Variants in PDZD8 observed in about 807,000 individuals in gnomAD.
The protein encoded by PDZD8 is PDZ domain-containing protein 8.
Under a neutral mutation model 85.8 loss-of-function variants are expected in PDZD8, and 14 were observed. The observed-to-expected ratio is 0.16, with a 90% CI of 0.11 to 0.26. The LOEUF is 0.26. PDZD8 is among the 10% of genes least tolerant of loss of function. The pLI is 1.00. For missense variants in PDZD8, 1,197 were observed against 1,424.3 expected, an observed-to-expected ratio of 0.84 and a Z score of 2.57; for synonymous variants, 592 against 568.6, an observed-to-expected ratio of 1.04 and a Z score of -0.59.
chr10:117,339,613 T>C (rs1844575933), intron 2 of PDZD8, among the ~76,000 whole-genome samples: 3 of 152,220 alleles, frequency 2.0e-5, no homozygotes, highest in Admixed American at 6.5e-5. Context: ...TTATAACATA[T>C]GAAAATTACA....
chr10:117,373,889 A>G (rs1367775148), intron 1 of PDZD8, among the ~76,000 whole-genome samples: 1 of 152,240 alleles, frequency 6.6e-6, no homozygotes, highest in Non-Finnish European at 1.5e-5. Context: ...ATGTCAAATT[A>G]GCACAGACCT....
chr10:117,348,495 G>C (rs544540596), intron 1 of PDZD8, among the ~76,000 whole-genome samples: 5 of 152,156 alleles, frequency 3.3e-5, no homozygotes, highest in Non-Finnish European at 5.9e-5. Flanking sequence ...ACAGAACTCT[G>C]AGTGGCTCTG....
At chr10:117,363,765 CCAGA>C (rs1175182223) in intron 1 of PDZD8, among the ~76,000 whole-genome samples, 2 of 152,000 alleles carry the variant, frequency 1.3e-5, no homozygotes, top group Non-Finnish European at 2.9e-5. Flanking sequence ...AAATCAAAGC[CCAGA>C]CATTCAGTAC....
At chr10:117,371,247 C>T (rs919339575) in intron 1 of PDZD8, among the ~76,000 whole-genome samples, 3 of 152,066 alleles carry the variant, frequency 2.0e-5, no homozygotes, top group Admixed American at 6.6e-5. Flanking sequence ...TGCAGTGGTG[C>T]GATATCGGCT....
intron 1 of PDZD8, among the ~76,000 whole-genome samples, chr10:117,363,083 A>G (rs1377380956): frequency 6.6e-6 from 1 of 152,128 alleles, no homozygotes; most frequent in Non-Finnish European, 1.5e-5. Context: ...TTTTCAGTGC[A>G]TTATAAAAAT....
At chr10:117,331,132 C>T (rs982310440) in intron 2 of PDZD8, among the ~76,000 whole-genome samples, 1 of 152,130 alleles carries the variant, frequency 6.6e-6, no homozygotes. Flanking sequence ...AGAGGGCAGA[C>T]ACTGAGCTCC....
intron 1 of PDZD8, among the ~76,000 whole-genome samples, chr10:117,360,703 C>G (rs1302064034): frequency 6.6e-6 from 1 of 151,716 alleles, no homozygotes; most frequent in Non-Finnish European, 1.5e-5. Context: ...AACAAATCCA[C>G]TCAACCTTGT....
At position 117,311,938 on chromosome 10, in the gene PDZD8, G is replaced by C. The variant is rs566877779; in HGVS notation, c.1098+6934C>G. ...CTGTCAGAAGCATGGTGCCACGAAG[G>C]AGAAAGAATGGCTGTCAGACACATT... is the stretch of plus-strand genomic sequence containing the variant. On this transcript the variant is annotated intron_variant, in intron 3 of 4. Coordinates refer to ENST00000334464, the MANE Select transcript of PDZD8 (RefSeq NM_173791.5). 9.9e-5 allele frequency among the ~76,000 whole-genome samples: 15 copies of C among 151,976 alleles called. No homozygotes were observed. In the East Asian group the frequency reaches 2.4e-3, roughly 24 times the overall value.
chr10:117,319,858 C>T (rs746947738), intron 2 of PDZD8, among the ~76,000 whole-genome samples: 3 of 151,950 alleles, frequency 2.0e-5, no homozygotes, highest in African/African-American at 4.8e-5. Context: ...TTAACACTAA[C>T]GAACATGTTG....
chr10:117,292,760 C>A (rs1487160744), intron 3 of PDZD8, among the ~76,000 whole-genome samples: 5 of 146,980 alleles, frequency 3.4e-5, no homozygotes, highest in African/African-American at 5.0e-5. Flanking sequence ...CTGAAGTAAA[C>A]ATTCCAGATG....
Position 117,284,009 on chromosome 10 carries a change from T to G in PDZD8, c.2724A>C (p.Glu908Asp). 6.2e-7 allele frequency: 1 copy of G among 1,614,208 alleles called. No homozygotes were observed. Residue 908 changes from glutamate to aspartate, a missense_variant, in exon 5 of 5, where the codon GAA becomes GAC. This residue lies in a region of PDZD8 where 418 missense variants were observed against 571.1 expected (regional missense o/e 0.73). Coordinates refer to ENST00000334464, the MANE Select transcript of PDZD8 (RefSeq NM_173791.5). ...GCAGGCCTAAGAGGGTTTCCTGTCC[T>G]TCCAGCCTAAGGTTTTTCAGTGTCC... ...IDRTLKNLRL[E>D]GQETLLGLPP... is the part of the protein sequence containing the mutation.
intron 3 of PDZD8, among the ~76,000 whole-genome samples, chr10:117,308,377 CAAATA>C (rs1305894623): frequency 4.6e-5 from 7 of 151,922 alleles, no homozygotes; most frequent in Admixed American, 6.6e-5. Flanking sequence ...AAAAAATAAA[CAAATA>C]AAATAAAAGG....
chr10:117,342,128 A>G (rs1387768095), intron 1 of PDZD8, among the ~76,000 whole-genome samples: 1 of 152,216 alleles, frequency 6.6e-6, no homozygotes, highest in Non-Finnish European at 1.5e-5. Flanking sequence ...TCAGTTACCT[A>G]TGAATTATCC....
Position 117,284,315 on chromosome 10 carries a change from A to G in PDZD8, c.2418T>C (p.Val806=), listed in dbSNP as rs767749521. Residue 806 remains valine, a synonymous_variant, in exon 5 of 5, where the codon GTT becomes GTC. Transcript: ENST00000334464. ...LKEGESDHHV[V]TNVEKEKEPH... ...GTTCTTTTTCTTTTTCTACGTTAGTAACTACATGGTGGTCTGATTCTCCTT... is the reference window on the plus strand; with the variant it reads ...GTTCTTTTTCTTTTTCTACGTTAGTGACTACATGGTGGTCTGATTCTCCTT... 6.2e-7 allele frequency: 1 copy of G among 1,613,942 alleles called. No homozygotes were observed. Among genetic ancestry groups the G allele is most frequent in the Non-Finnish European group, 8.5e-7 (1 of 1,179,996 alleles).
At chr10:117,294,339 A>C (rs1589546715) in intron 3 of PDZD8, among the ~76,000 whole-genome samples, 1 of 105,044 alleles carries the variant, frequency 9.5e-6, no homozygotes, top group African/African-American at 3.7e-5. Context: ...AAAAAAAAAA[A>C]AAAAAACAAA....
intron 1 of PDZD8, among the ~76,000 whole-genome samples, chr10:117,349,668 T>C (rs1844769404): frequency 6.6e-6 from 1 of 151,978 alleles, no homozygotes; most frequent in Non-Finnish European, 1.5e-5. Context: ...CTGGGCATGG[T>C]GGTGCGCTCC....
At chr10:117,309,448 C>T (rs896693042) in intron 3 of PDZD8, among the ~76,000 whole-genome samples, 3 of 151,970 alleles carry the variant, frequency 2.0e-5, no homozygotes, top group Non-Finnish European at 4.4e-5. Context: ...CATTCCATCT[C>T]TAGCCTGGCC....
chr10:117,345,462 A>G (rs1483303990), intron 1 of PDZD8, among the ~76,000 whole-genome samples: 1 of 152,208 alleles, frequency 6.6e-6, no homozygotes, highest in Non-Finnish European at 1.5e-5. Flanking sequence ...GTTAAAAGCA[A>G]TAAGAGAGTT....
chr10:117,292,043 G>C (rs939658398), intron 3 of PDZD8, among the ~76,000 whole-genome samples: 1 of 152,030 alleles, frequency 6.6e-6, no homozygotes, highest in African/African-American at 2.4e-5. Flanking sequence ...TATATCACTG[G>C]CTGCACTGCT....
Sources: gnomAD v4.1 joint callset for allele counts (sites outside exome capture counted in the v4.1 genomes callset) on GRCh38, gnomAD v4.1.1 for gene constraint, gnomAD v4.1.1 regional missense constraint, MANE v1.5 for transcripts, NCBI Gene and HGNC (gene_info 2026-07-23, HGNC 2026-07-21) for gene names.